SSH2: variants seen among roughly 807,000 people sequenced by gnomAD.
SSH2 encodes the protein slingshot protein phosphatase 2, also known as protein phosphatase Slingshot homolog 2.
Under a neutral mutation model 135.2 loss-of-function variants are expected in SSH2, and 37 were observed. The ratio of observed to expected loss-of-function variants is 0.27; its 90% CI spans 0.21 to 0.36. The LOEUF (loss-of-function observed/expected upper bound fraction) is 0.36. SSH2 is among the 10% of genes least tolerant of loss of function. SSH2 has a pLI of 1.00. For synonymous variants in SSH2, 628 were observed against 646.2 expected, an observed-to-expected ratio of 0.97 and a Z score of 0.43; for missense variants, 1,408 against 1,765.3, an observed-to-expected ratio of 0.80 and a Z score of 3.63.
intron 3 of SSH2, among the ~76,000 whole-genome samples, chr17:29,744,383 T>C (rs983614163): frequency 6.6e-6 from 1 of 152,094 alleles, no homozygotes; most frequent in African/African-American, 2.4e-5. Context: ...GGTCCCGGCG[T>C]GTATTAGGGC....
At chr17:29,710,424 T>G (rs746171014) in intron 3 of SSH2, among the ~76,000 whole-genome samples, 2 of 152,226 alleles carry the variant, frequency 1.3e-5, no homozygotes, top group African/African-American at 2.4e-5. Context: ...TGGTTGGTAT[T>G]TATGTTAAAT....
chr17:29,758,813 C>T (rs923861846), intron 3 of SSH2, among the ~76,000 whole-genome samples: 7 of 149,774 alleles, frequency 4.7e-5, no homozygotes, highest in Non-Finnish European at 1.0e-4. Flanking sequence ...CAATGGCACA[C>T]TCATGGCTCA....
chr17:29,913,348 A>AAT (rs1491105093), intron 1 of SSH2, among the ~76,000 whole-genome samples: 1 of 13,694 alleles, frequency 7.3e-5, no homozygotes, highest in Non-Finnish European at 1.3e-4. Flanking sequence ...AAAAAAAAAA[A>AAT]TATATATATA....
chr17:29,726,494 T>A (rs765133003), intron 3 of SSH2, among the ~76,000 whole-genome samples: 1 of 151,938 alleles, frequency 6.6e-6, no homozygotes. Context: ...GGAAGAGGGG[T>A]GAAACTTAGA....
intron 3 of SSH2, among the ~76,000 whole-genome samples, chr17:29,741,383 G>A (rs2040547818): frequency 6.6e-6 from 1 of 152,142 alleles, no homozygotes; most frequent in South Asian, 2.1e-4. Flanking sequence ...GGCAAAGATT[G>A]AAGCATAAGG....
intron 2 of SSH2, among the ~76,000 whole-genome samples, chr17:29,798,245 G>C (rs780690227): frequency 2.0e-5 from 3 of 151,800 alleles, no homozygotes; most frequent in Non-Finnish European, 4.4e-5. Flanking sequence ...TGGGATCTCG[G>C]CTCACTGGGT....
At chr17:29,870,184 T>C (rs1284642856) in intron 1 of SSH2, among the ~76,000 whole-genome samples, 1 of 151,980 alleles carries the variant, frequency 6.6e-6, no homozygotes, top group Non-Finnish European at 1.5e-5. Flanking sequence ...AAATACATTA[T>C]GGTGTATCTA....
chr17:29,902,753 C>G (rs187420231), intron 1 of SSH2, among the ~76,000 whole-genome samples: 1 of 152,024 alleles, frequency 6.6e-6, no homozygotes. Flanking sequence ...TTCTTTAGCT[C>G]AGAAATTTTT....
At chr17:29,860,156 T>G (rs2065736650) in intron 1 of SSH2, among the ~76,000 whole-genome samples, 1 of 151,922 alleles carries the variant, frequency 6.6e-6, no homozygotes, top group Non-Finnish European at 1.5e-5. Context: ...GGTAATTCTG[T>G]TTTTAGCTCT....
intron 3 of SSH2, chr17:29,716,563 G>T: frequency 1.4e-6 from 1 of 719,450 alleles, no homozygotes; most frequent in Non-Finnish European, 2.5e-6. Context: ...CCATTCCCTT[G>T]ATGTCTACAT....
intron 4 of SSH2, among the ~76,000 whole-genome samples, chr17:29,696,622 TACACAC>T (rs36052713): frequency 1.9e-5 from 1 of 51,350 alleles, no homozygotes; most frequent in Non-Finnish European, 6.1e-5. Flanking sequence ...CATATATATA[TACACAC>T]ACACACACAC....
chr17:29,694,278 A>G (rs1157230556), intron 5 of SSH2, among the ~76,000 whole-genome samples: 3 of 152,238 alleles, frequency 2.0e-5, no homozygotes, highest in Non-Finnish European at 4.4e-5. Context: ...TCCAATTTCC[A>G]CAAAGAAATA....
intron 2 of SSH2, among the ~76,000 whole-genome samples, chr17:29,821,527 G>A (rs977136524): frequency 6.6e-6 from 1 of 151,926 alleles, no homozygotes; most frequent in African/African-American, 2.4e-5. Flanking sequence ...AGTAAGGAAA[G>A]GGAAAAATCA....
intron 1 of SSH2, among the ~76,000 whole-genome samples, chr17:29,920,857 C>G (rs1324239555): frequency 6.6e-6 from 1 of 151,696 alleles, no homozygotes; most frequent in Non-Finnish European, 1.5e-5. Context: ...TCTGTATATA[C>G]AAATGAATGA....
chr17:29,928,664 C>A, intron 1 of SSH2: 1 of 397,272 alleles, frequency 2.5e-6, no homozygotes, highest in Non-Finnish European at 4.4e-6. Flanking sequence ...ACACAAAATG[C>A]AATTAAAGCT....
Position 29,628,002 on chromosome 17 carries a change from T to C in SSH2, c.*2839A>G, listed in dbSNP as rs1449488110. 1 of 152,172 alleles carries C rather than the reference T, an allele frequency of 6.6e-6. No homozygotes were observed. The highest frequency in any genetic ancestry group is 1.5e-5 in the Non-Finnish European group (1 of 68,038). The allele number at this position is 152,172 out of a possible 1,614,324, so 9.4% of individuals were successfully genotyped here. A position where few individuals can be genotyped will look rare whatever the true frequency, so the allele number is the denominator to read the frequency against. Reference sequence around the variant, plus strand: ...AGTCAAAGTTTTTCCTATTCATCTTTGCCAGTCTATCAAATCTGCTGCTTC... The same window carrying C: ...AGTCAAAGTTTTTCCTATTCATCTTCGCCAGTCTATCAAATCTGCTGCTTC... On this transcript the variant is annotated 3_prime_UTR_variant, in exon 16 of 16. Coordinates refer to ENST00000540801, the MANE Select transcript of SSH2 (RefSeq NM_001282129.2).
intron 1 of SSH2, among the ~76,000 whole-genome samples, chr17:29,856,571 T>C (rs2065667517): frequency 6.6e-6 from 1 of 152,026 alleles, no homozygotes; most frequent in Non-Finnish European, 1.5e-5. Context: ...TGAGACTCTG[T>C]CTCAAAAAAC....
At chr17:29,714,805 ACTCCCT>A (rs2039559542) in intron 3 of SSH2, among the ~76,000 whole-genome samples, 1 of 151,346 alleles carries the variant, frequency 6.6e-6, no homozygotes, top group Non-Finnish European at 1.5e-5. Context: ...CCATGTGCTC[ACTCCCT>A]CTTCAAGCTG....
chr17:29,702,903 G>A (rs1335499165), intron 4 of SSH2, 56 bp downstream of exon 4: 2 of 1,304,450 alleles, frequency 1.5e-6, no homozygotes, highest in Non-Finnish European at 2.2e-6. Context: ...CAACCTTTTA[G>A]AATGTAACAA....
Sources: allele counts gnomAD v4.1 joint callset (sites outside exome capture counted in the v4.1 genomes callset), GRCh38; gene constraint gnomAD v4.1.1; transcripts MANE v1.5; gene names NCBI Gene and HGNC (gene_info 2026-07-23, HGNC 2026-07-21).